Variants in NT5E observed in about 807,000 individuals in gnomAD.
The protein encoded by NT5E is 5'-nucleotidase ecto.
NT5E carries 53 observed loss-of-function variants against 55.1 expected under a neutral mutation model. The ratio of observed to expected loss-of-function variants is 0.96; its 90% confidence interval spans 0.77 to 1.21. The LOEUF (loss-of-function observed/expected upper bound fraction) is 1.21, where lower values mean the gene tolerates loss of function less well. Ranked by LOEUF, NT5E falls within the 50% of genes most tolerant of loss-of-function variation. The pLI is 0.00. For missense variants in NT5E, 683 were observed against 724.3 expected, an observed-to-expected ratio of 0.94 and a Z score of 0.65; for synonymous variants, 270 against 278.4, an observed-to-expected ratio of 0.97 and a Z score of 0.30.
rs185955009 is a variant in NT5E, at chr6:85,453,413, G to A, written c.339+2935G>A. 1.1e-3 allele frequency among the ~76,000 whole-genome samples: 168 copies of A among 152,292 alleles called. 1 individual carries two copies. Among genetic ancestry groups the A allele is most frequent in the Non-Finnish European group, 2.0e-3 (137 of 68,022 alleles). ...TTGTGAGGAAGGGAAGGTTTGGGTT[G>A]TGCATCAGATTATCTGATTCTCACA... is the stretch of plus-strand genomic sequence containing the variant. On this transcript the variant is annotated intron_variant, in intron 1 of 8. Transcript: ENST00000257770.
chr6:85,470,098 G>C (rs1313530155), intron 2 of NT5E, among the ~76,000 whole-genome samples: 1 of 152,142 alleles, frequency 6.6e-6, no homozygotes, highest in African/African-American at 2.4e-5. Flanking sequence ...AGAACGTCTG[G>C]ATCTACTGGA....
intron 3 of NT5E, 74 bp downstream of exon 3, chr6:85,471,499 T>C (rs1346898521): frequency 8.1e-6 from 10 of 1,237,364 alleles, no homozygotes; most frequent in Non-Finnish European, 1.1e-5. Context: ...TTTGTAACTG[T>C]TATTACTCTT....
chr6:85,483,070 T>A (rs936719932), intron 3 of NT5E, among the ~76,000 whole-genome samples: 11 of 152,374 alleles, frequency 7.2e-5, no homozygotes, highest in Non-Finnish European at 1.0e-4. Flanking sequence ...ATTTGCATAG[T>A]AGTGCATACT....
chr6:85,488,248 C>G (rs1334739530), intron 5 of NT5E, among the ~76,000 whole-genome samples: 1 of 152,208 alleles, frequency 6.6e-6, no homozygotes, highest in Non-Finnish European at 1.5e-5. Context: ...CTATGTCGGA[C>G]TACTACTTCC....
At chr6:85,453,780 T>C (rs909517294) in intron 1 of NT5E, among the ~76,000 whole-genome samples, 2 of 152,210 alleles carry the variant, frequency 1.3e-5, no homozygotes, top group Non-Finnish European at 2.9e-5. Flanking sequence ...GTGGGAACCA[T>C]GGCCCCCGCC....
At chr6:85,477,566 G>A (rs983651222) in intron 3 of NT5E, among the ~76,000 whole-genome samples, 1 of 152,150 alleles carries the variant, frequency 6.6e-6, no homozygotes, top group Non-Finnish European at 1.5e-5. Flanking sequence ...CTGATGGGAT[G>A]GATGCATCCC....
At chr6:85,456,002 A>T (rs1328904798) in intron 1 of NT5E, among the ~76,000 whole-genome samples, 1 of 152,140 alleles carries the variant, frequency 6.6e-6, no homozygotes, top group Admixed American at 6.5e-5. Flanking sequence ...GTCGCCAGAA[A>T]GACTAATTTA....
At chr6:85,462,205 G>A (rs764442962) in intron 1 of NT5E, among the ~76,000 whole-genome samples, 15 of 152,020 alleles carry the variant, frequency 9.9e-5, no homozygotes, top group Middle Eastern at 6.8e-3. Flanking sequence ...TTCACCACCA[G>A]GCTCACACAA....
Position 85,490,553 on chromosome 6 carries a change from G to T in NT5E, c.1256G>T (p.Gly419Val). 1 of 1,614,190 alleles carries T rather than the reference G, an allele frequency of 6.2e-7. No individual in the cohort carries two copies. Reference protein sequence around the residue: ...ENLAAVLPFGGTFDLVQLKGS... With the variant: ...ENLAAVLPFGVTFDLVQLKGS... ...CTGGCTGCTGTATTGCCCTTTGGAG[G>T]CACATTTGACCTAGTCCAGTTAAAA... Residue 419 changes from glycine (G) to valine (V), a missense_variant, in exon 7 of 9, where the codon GGC (glycine) becomes GTC (valine). By Grantham distance (109) the Gly-to-Val change is moderately radical. Coordinates refer to ENST00000257770, the MANE Select transcript of NT5E (RefSeq NM_002526.4).
At position 85,485,385 on chromosome 6, in the gene NT5E, T is replaced by C; in HGVS notation, c.902T>C (p.Ile301Thr). ...GAGTTTGATGAAAGAGGAAACGTCA[T>C]CTCTTCCCATGGAAATCCCATTCTT... ...KIEFDERGNV[I>T]SSHGNPILLN... Residue 301 changes from isoleucine (I) to threonine (T), a missense_variant, in exon 4 of 9, where the codon ATC (isoleucine) becomes ACC (threonine). By Grantham distance (89) the Ile-to-Thr change is moderately conservative (BLOSUM62 -1). Coordinates refer to ENST00000257770, the MANE Select transcript of NT5E (RefSeq NM_002526.4). 2 of 1,614,206 alleles carry C rather than the reference T, an allele frequency of 1.2e-6. No homozygotes were observed. Among genetic ancestry groups the C allele is most frequent in the Non-Finnish European group, 1.7e-6 (2 of 1,180,040 alleles).
chr6:85,490,907 A>T (rs1769768125), intron 7 of NT5E: 5 of 566,448 alleles, frequency 8.8e-6, no homozygotes, highest in Admixed American at 2.6e-5. Context: ...TGGACATCAG[A>T]TGGGCCCTCT....
chr6:85,489,170 G>A (rs1769730868), intron 5 of NT5E, among the ~76,000 whole-genome samples: 1 of 152,086 alleles, frequency 6.6e-6, no homozygotes, highest in Non-Finnish European at 1.5e-5. Context: ...AGCCTGTGCA[G>A]GAGTGACTCT....
chr6:85,489,624 A>C lies in NT5E; in HGVS notation c.1210+25A>C, dbSNP rs766549574. 10 of 1,511,012 alleles carry C rather than the reference A, an allele frequency of 6.6e-6. No individual in the cohort carries two copies. In the East Asian group the frequency reaches 2.3e-4, roughly 34 times the overall value. The allele number at this position is 1,511,012 out of a possible 1,614,324, so 93.6% of individuals were successfully genotyped here. A position where few individuals can be genotyped will look rare whatever the true frequency, so the allele number is the denominator to read the frequency against. On this transcript the variant is annotated intron_variant, in intron 6 of 8. Coordinates refer to ENST00000257770, the MANE Select transcript of NT5E (RefSeq NM_002526.4). Reference sequence around the variant, plus strand: ...GGTATGCTCCCAGGCCCAGCTCCTCAGTGTGTCATGTTCTCTCTCTGATCT... The same window carrying C: ...GGTATGCTCCCAGGCCCAGCTCCTCCGTGTGTCATGTTCTCTCTCTGATCT...
chr6:85,493,694 G>T, intron 8 of NT5E, 147 bp from the exon 9 acceptor site: 1 of 661,882 alleles, frequency 1.5e-6, no homozygotes, highest in Non-Finnish European at 2.6e-6. Flanking sequence ...CAAATTCTTT[G>T]TACTTATGAT....
intron 3 of NT5E, among the ~76,000 whole-genome samples, chr6:85,477,030 T>C (rs1562141735): frequency 6.6e-6 from 1 of 152,192 alleles, no homozygotes; most frequent in Non-Finnish European, 1.5e-5. Context: ...CCCACCCTTT[T>C]CTACCTAGTA....
Position 85,482,952 on chromosome 6 carries a change from C to T in NT5E, c.752-2283C>T, listed in dbSNP as rs1224964172. Reference sequence around the variant, plus strand: ...ATCGCCCCAGCTGCATGGATAGCATCTTCCTTCTTGTTCCTGATTAAGCTC... The same window carrying T: ...ATCGCCCCAGCTGCATGGATAGCATTTTCCTTCTTGTTCCTGATTAAGCTC... On this transcript the variant is annotated intron_variant, in intron 3 of 8. Coordinates refer to ENST00000257770, the MANE Select transcript of NT5E (RefSeq NM_002526.4). Among the ~76,000 whole-genome samples the T allele has an allele frequency of 2.0e-5, 3 of 152,184 alleles. No individual in the cohort carries two copies. In the East Asian group the frequency reaches 5.8e-4, roughly 29 times the overall value.
Position 85,487,334 on chromosome 6 carries a change from G to C in NT5E, c.950-1G>C. On this transcript the variant is annotated splice_acceptor_variant, in intron 4 of 8. Transcript: ENST00000257770. LOFTEE classifies it high-confidence loss of function. The stretch of plus-strand genomic sequence containing the variant: ...AGGGTACCTTCTTTTCTTTCTTCTA[G>C]ATCCAAGCATAAAAGCAGACATTAA... 6.2e-7 allele frequency: 1 copy of C among 1,612,618 alleles called. No homozygotes were observed. Among genetic ancestry groups the C allele is most frequent in the Non-Finnish European group, 8.5e-7 (1 of 1,178,710 alleles).
chr6:85,476,456 G>A (rs1370209479), intron 3 of NT5E, among the ~76,000 whole-genome samples: 2 of 152,170 alleles, frequency 1.3e-5, no homozygotes, highest in African/African-American at 2.4e-5. Context: ...AACTCTGTGC[G>A]GCCCCGCAGC....
intron 1 of NT5E, among the ~76,000 whole-genome samples, 180 bp from the exon 2 acceptor site, chr6:85,466,880 A>G (rs577811839): frequency 7.9e-5 from 12 of 152,254 alleles, no homozygotes; most frequent in Admixed American, 7.2e-4. Context: ...AGGTGGTGTG[A>G]CACCTGGGTA....
Sources: allele counts gnomAD v4.1 joint callset (sites outside exome capture counted in the v4.1 genomes callset), GRCh38; gene constraint gnomAD v4.1.1; transcripts MANE v1.5; gene names NCBI Gene and HGNC (gene_info 2026-07-23, HGNC 2026-07-21).